The following ADAMTS17 variants were observed in gnomAD, a reference collection of about 807,000 sequenced individuals.
ADAMTS17 encodes the protein ADAM metallopeptidase with thrombospondin type 1 motif 17.
ADAMTS17 carries 113 observed loss-of-function variants against 141.5 expected under a neutral mutation model. That is an observed-to-expected ratio of 0.80 (90% CI 0.69 to 0.93). ADAMTS17 has a LOEUF of 0.93. Among genes scored for constraint, ADAMTS17 ranks in the 40% least tolerant of loss-of-function variants. The probability of loss-of-function intolerance (pLI) is 0.00; values close to 1 mark genes in which losing one functional copy is unlikely to be tolerated. For missense variants in ADAMTS17, 1,659 were observed against 1,517.9 expected (o/e 1.09, Z -1.54); for synonymous variants, 768 against 630.6 (o/e 1.22, Z -3.27).
intron 12 of ADAMTS17, among the ~76,000 whole-genome samples, chr15:100,117,935 G>A (rs1346124576): frequency 1.3e-5 from 2 of 152,196 alleles, no homozygotes; most frequent in African/African-American, 2.4e-5. Context: ...ACACCTGTTG[G>A]CCAAATGTCA....
chr15:100,320,579 T>A (rs2045702730), intron 3 of ADAMTS17, among the ~76,000 whole-genome samples: 1 of 152,198 alleles, frequency 6.6e-6, no homozygotes, highest in Non-Finnish European at 1.5e-5. Flanking sequence ...ACACCTGTAG[T>A]CCCAGCACTT....
chr15:100,109,449 G>T (rs376101144), intron 13 of ADAMTS17, among the ~76,000 whole-genome samples: 10 of 151,364 alleles, frequency 6.6e-5, no homozygotes, highest in African/African-American at 2.4e-4. Context: ...ACACATCAAG[G>T]GGGAGCTGGA....
In ADAMTS17 at chr15:100,322,956, G is replaced by A. The variant is rs537861967; in HGVS notation, c.616+7933C>T. On this transcript the variant is annotated intron_variant, in intron 3 of 21. Transcript: ENST00000268070. ...CAAAAAATTAGCCAGGCGTGGTGGCGGGCACCTGTAGTCCCAGCTACTCAG... is the reference window on the plus strand; with the variant it reads ...CAAAAAATTAGCCAGGCGTGGTGGCAGGCACCTGTAGTCCCAGCTACTCAG... 3.8e-4 allele frequency among the ~76,000 whole-genome samples: 58 copies of A among 151,724 alleles called. 2 individuals carry two copies. Among genetic ancestry groups the A allele is most frequent in the Middle Eastern group, 3.4e-3 (1 of 292 alleles).
chr15:100,298,356 G>A (rs1596472989), intron 3 of ADAMTS17, among the ~76,000 whole-genome samples: 1 of 152,136 alleles, frequency 6.6e-6, no homozygotes. Flanking sequence ...GGCTTCTACT[G>A]CACTCATACC....
At chr15:100,201,758 T>TA (rs1258597509) in intron 7 of ADAMTS17, among the ~76,000 whole-genome samples, 5 of 151,968 alleles carry the variant, frequency 3.3e-5, no homozygotes, top group East Asian at 1.9e-4. Context: ...TGCAGACTAT[T>TA]AAAAAAAACA....
At chr15:100,330,469 C>T (rs900078166) in intron 3 of ADAMTS17, among the ~76,000 whole-genome samples, 7 of 152,084 alleles carry the variant, frequency 4.6e-5, no homozygotes, top group South Asian at 4.2e-4. Flanking sequence ...CTGTAAGAAT[C>T]GAGAATCGAA....
At chr15:100,052,761 G>C (rs1281182032) in intron 16 of ADAMTS17, among the ~76,000 whole-genome samples, 1 of 152,084 alleles carries the variant, frequency 6.6e-6, no homozygotes, top group Non-Finnish European at 1.5e-5. Context: ...CACATTCTTG[G>C]GTCCCAGAAA....
rs367901784 is a variant in ADAMTS17, at chr15:100,038,278, T to C, written c.2591+10579A>G. Reference sequence around the variant, plus strand: ...CTGTCTGGATCACTATAGTTTACAGTAAGCTTTGAAATTGGGAAGCATGAG... The same window carrying C: ...CTGTCTGGATCACTATAGTTTACAGCAAGCTTTGAAATTGGGAAGCATGAG... On this transcript the variant is annotated intron_variant, in intron 18 of 21. Transcript: ENST00000268070. Among the ~76,000 whole-genome samples, 5 of 152,356 alleles carry C rather than the reference T, an allele frequency of 3.3e-5. No individual in the cohort carries two copies. The East Asian group carries it at 9.6e-4, about 29-fold the overall frequency.
At chr15:100,151,205 C>T (rs781508921) in intron 10 of ADAMTS17, among the ~76,000 whole-genome samples, 50 of 152,186 alleles carry the variant, frequency 3.3e-4, no homozygotes, top group Admixed American at 2.5e-3. Context: ...GGGACCCTCG[C>T]AGGCGTGCTC....
chr15:100,157,067 G>A (rs1459899331), intron 8 of ADAMTS17, among the ~76,000 whole-genome samples: 2 of 152,172 alleles, frequency 1.3e-5, no homozygotes, highest in Non-Finnish European at 2.9e-5. Flanking sequence ...TGGTGGCAGG[G>A]GAGAGAAGCA....
At chr15:100,287,829 C>T (rs1447000341) in intron 3 of ADAMTS17, among the ~76,000 whole-genome samples, 1 of 152,182 alleles carries the variant, frequency 6.6e-6, no homozygotes, top group African/African-American at 2.4e-5. Flanking sequence ...TTTAATACCA[C>T]CAGACCTGCC....
rs571643789 is a variant in ADAMTS17 at position 100,246,496 on chromosome 15, T to C, written c.1075+7640A>G. On this transcript the variant is annotated intron_variant, in intron 7 of 21. Coordinates refer to ENST00000268070, the MANE Select transcript of ADAMTS17 (RefSeq NM_139057.4). ...AGGTAGCCTCCGACAAACAGATGAA[T>C]TTGCTAAAGACTGCAAGTTGTCTAA... Among the ~76,000 whole-genome samples, 6 of 152,312 alleles carry C rather than the reference T, an allele frequency of 3.9e-5. No individual in the cohort carries two copies. The South Asian group carries it at 1.0e-3, about 26-fold the overall frequency.
At chr15:100,197,955 A>G (rs992960200) in intron 8 of ADAMTS17, among the ~76,000 whole-genome samples, 1 of 152,182 alleles carries the variant, frequency 6.6e-6, no homozygotes, top group Non-Finnish European at 1.5e-5. Context: ...GTTCTCACTC[A>G]TAAGTGGGAG....
chr15:100,249,819 G>A (rs2043098584), intron 7 of ADAMTS17, among the ~76,000 whole-genome samples: 1 of 152,152 alleles, frequency 6.6e-6, no homozygotes, highest in Non-Finnish European at 1.5e-5. Flanking sequence ...TTCAAACTGA[G>A]ATCTGAAATC....
chr15:100,105,941 T>C (rs1402766892), intron 14 of ADAMTS17, among the ~76,000 whole-genome samples: 1 of 152,184 alleles, frequency 6.6e-6, no homozygotes, highest in African/African-American at 2.4e-5. Context: ...TCTGCCCGCC[T>C]TGGCCTCCCA....
chr15:100,336,312 A>G (rs1446648912), intron 2 of ADAMTS17, among the ~76,000 whole-genome samples: 1 of 152,194 alleles, frequency 6.6e-6, no homozygotes, highest in South Asian at 2.1e-4. Flanking sequence ...TGGAGAGGAC[A>G]AAGGCGGACA....
At chr15:100,285,846 C>A (rs2044429252) in intron 3 of ADAMTS17, among the ~76,000 whole-genome samples, 1 of 152,200 alleles carries the variant, frequency 6.6e-6, no homozygotes, top group Non-Finnish European at 1.5e-5. Context: ...TTACCAAGAT[C>A]TTCTAGGTGG....
intron 12 of ADAMTS17, among the ~76,000 whole-genome samples, chr15:100,125,419 C>T (rs1041187600): frequency 5.3e-5 from 8 of 152,172 alleles, no homozygotes; most frequent in Admixed American, 2.0e-4. Context: ...AACCTTACAC[C>T]AGCCGTCCTC....
chr15:100,053,242 T>C (rs1596307547), intron 16 of ADAMTS17, among the ~76,000 whole-genome samples: 1 of 152,234 alleles, frequency 6.6e-6, no homozygotes, highest in South Asian at 2.1e-4. Flanking sequence ...TCCCTGGAGA[T>C]CTCTGACATG....
Sources: allele counts gnomAD v4.1 joint callset (sites outside exome capture counted in the v4.1 genomes callset), GRCh38; gene constraint gnomAD v4.1.1; transcripts MANE v1.5; gene names NCBI Gene and HGNC (gene_info 2026-07-23, HGNC 2026-07-21).